Variants in G6PC1 observed in about 807,000 individuals in gnomAD.
G6PC1 encodes G-6-Pase.
A neutral mutation model predicts 30.4 loss-of-function variants in G6PC1; 23 were observed. That is an observed-to-expected ratio of 0.76 (90% CI 0.55 to 1.07). The LOEUF (loss-of-function observed/expected upper bound fraction) is 1.07. Ranked by LOEUF, G6PC1 falls within the 50% of genes least tolerant of loss-of-function variation. The probability of loss-of-function intolerance (pLI) is 0.00; values close to 1 mark genes in which losing one functional copy is unlikely to be tolerated. For missense variants in G6PC1, 391 were observed against 433.9 expected, an observed-to-expected ratio of 0.90 and a Z score of 0.88; for synonymous variants, 163 against 175.6, an observed-to-expected ratio of 0.93 and a Z score of 0.57.
At chr17:42,901,717 AAGAT>A (rs1266224497) in intron 1 of G6PC1, among the ~76,000 whole-genome samples, 1 of 151,932 alleles carries the variant, frequency 6.6e-6, no homozygotes, top group African/African-American at 2.4e-5. Flanking sequence ...AAAAAAAAAA[AAGAT>A]AGATGATGTA....
chr17:42,908,439 C>T (rs2056075023), intron 3 of G6PC1, among the ~76,000 whole-genome samples: 2 of 149,926 alleles, frequency 1.3e-5, no homozygotes, highest in South Asian at 4.2e-4. Flanking sequence ...CGGAATCTCG[C>T]TCTGTTGCCC....
rs1180911937 is a variant in G6PC1, at chr17:42,912,800, CTTT to C, written c.*1381_*1383del. 6.6e-6 allele frequency: 1 copy of C among 151,112 alleles called. No individual in the cohort carries two copies. Among genetic ancestry groups the C allele is most frequent in the Non-Finnish European group, 1.5e-5 (1 of 67,886 alleles). The allele number at this position is 151,112 out of a possible 1,614,324, so 9.4% of individuals were successfully genotyped here. On this transcript the variant is annotated 3_prime_UTR_variant, in exon 5 of 5. Coordinates refer to ENST00000253801, the MANE Select transcript of G6PC1 (RefSeq NM_000151.4). ...AGCCAACTCCTCCTTGCCTGCTTTT[CTTT>C]TTTTTTCTTTTTTTGAGACGGCGCA...
At chr17:42,902,450 T>C (rs1352772226) in intron 1 of G6PC1, among the ~76,000 whole-genome samples, 1 of 152,136 alleles carries the variant, frequency 6.6e-6, no homozygotes, top group Non-Finnish European at 1.5e-5. Flanking sequence ...ATGGTTTCAC[T>C]ATGTTGACTA....
Position 42,911,490 on chromosome 17 carries a change from T to G in G6PC1, c.*64T>G, listed in dbSNP as rs1455092796. On this transcript the variant is annotated 3_prime_UTR_variant, in exon 5 of 5. Coordinates refer to ENST00000253801, the MANE Select transcript of G6PC1 (RefSeq NM_000151.4). ...GCCAGGGATTGAGGAGGACTACTAT[T>G]TGAAGCAATGGGCACTGGTATTTGG... 2 of 1,607,864 alleles carry G rather than the reference T, an allele frequency of 1.2e-6. No individual in the cohort carries two copies. The highest frequency in any genetic ancestry group is 1.7e-6 in the Non-Finnish European group (2 of 1,176,618).
At chr17:42,902,603 T>C (rs766916558) in intron 1 of G6PC1, among the ~76,000 whole-genome samples, 1 of 152,168 alleles carries the variant, frequency 6.6e-6, no homozygotes, top group Non-Finnish European at 1.5e-5. Flanking sequence ...CTGATCTCCA[T>C]TGAAGAACCA....
chr17:42,903,615 G>A (rs2056040647), intron 1 of G6PC1, among the ~76,000 whole-genome samples: 1 of 151,912 alleles, frequency 6.6e-6, no homozygotes, highest in Non-Finnish European at 1.5e-5. Context: ...TCAGGAGGCT[G>A]AGGTGGGAGG....
chr17:42,909,868 G>GTTT (rs1018159270), intron 4 of G6PC1, among the ~76,000 whole-genome samples: 1 of 140,498 alleles, frequency 7.1e-6, no homozygotes, highest in African/African-American at 2.6e-5. Context: ...GTTTTTTTTT[G>GTTT]TTTTTTTTTT....
At chr17:42,910,137 C>CACCG (rs1205045162) in intron 4 of G6PC1, among the ~76,000 whole-genome samples, 2 of 152,110 alleles carry the variant, frequency 1.3e-5, no homozygotes, top group African/African-American at 4.8e-5. Context: ...AAGGGTGAGC[C>CACCG]ACCGCACCCT....
rs763922040 is a variant in G6PC1, at chr17:42,900,918, G to T, written c.42G>T (p.Gln14His). 6.2e-7 allele frequency: 1 copy of T among 1,614,178 alleles called. No homozygotes were observed. Among genetic ancestry groups the T allele is most frequent in the South Asian group, 1.1e-5 (1 of 91,082 alleles). The change falls in exon 1 of 5, where the codon CAG becomes CAT. Residue 14 changes from glutamine to histidine, a missense_variant. By Grantham distance (24) the Gln-to-His change is conservative (BLOSUM62 0). Coordinates refer to ENST00000253801, the MANE Select transcript of G6PC1 (RefSeq NM_000151.4). The stretch of plus-strand genomic sequence containing the variant: ...ATGTTCTCCATGACTTTGGGATCCA[G>T]TCAACACATTACCTCCAGGTGAATT... The part of the protein sequence containing the change: ...GMNVLHDFGI[Q>H]STHYLQVNYQ...
intron 3 of G6PC1, 118 bp downstream of exon 3, chr17:42,907,746 G>A (rs2056071327): frequency 1.4e-5 from 10 of 738,198 alleles, no homozygotes; most frequent in Non-Finnish European, 2.2e-5. Flanking sequence ...CTGGGCAGCC[G>A]CTGATTAAGA....
rs367967732 is a variant in G6PC1, at chr17:42,911,635, G to A, written c.*209G>A. ...CCTGCCCTCAGCACAGACTCTTTCAGATGGAGGTGCCATATCACGTACACC... is the reference window on the plus strand; with the variant it reads ...CCTGCCCTCAGCACAGACTCTTTCAAATGGAGGTGCCATATCACGTACACC... On this transcript the variant is annotated 3_prime_UTR_variant, in exon 5 of 5. Transcript: ENST00000253801. 42 of 666,192 alleles carry A rather than the reference G, an allele frequency of 6.3e-5. No individual in the cohort carries two copies. In the African/African-American group the frequency reaches 7.2e-4, roughly 11 times the overall value. The allele number at this position is 666,192 out of a possible 1,614,324, so 41.3% of individuals were successfully genotyped here.
chr17:42,909,254 C>T (rs776126016), intron 3 of G6PC1, 49 bp from the exon 4 acceptor site: 7 of 1,363,276 alleles, frequency 5.1e-6, no homozygotes, highest in Non-Finnish European at 7.4e-6. Flanking sequence ...GTTTTCTTTG[C>T]TGAAGGATCT....
chr17:42,906,274 C>T (rs1225445656), intron 2 of G6PC1, among the ~76,000 whole-genome samples: 1 of 151,986 alleles, frequency 6.6e-6, no homozygotes, highest in East Asian at 1.9e-4. Flanking sequence ...AGGGAAGGAA[C>T]AGGAACAGGG....
chr17:42,912,405 G>A lies in G6PC1; in HGVS notation c.*979G>A, dbSNP rs1346878043. On this transcript the variant is annotated 3_prime_UTR_variant, in exon 5 of 5. Transcript: ENST00000253801. ...CTGCTTTTTCCAGATTCTTCCACTG[G>A]CTCCACATCCACCCCACTGGATCTT... 6.6e-6 allele frequency: 1 copy of A among 152,340 alleles called. No homozygotes were observed. Among genetic ancestry groups the A allele is most frequent in the African/African-American group, 2.4e-5 (1 of 41,346 alleles). 9.4% of individuals were successfully genotyped at this position (152,340 alleles called of 1,614,324 possible). A position where few individuals can be genotyped will look rare whatever the true frequency, so the allele number is the denominator to read the frequency against.
intron 2 of G6PC1, among the ~76,000 whole-genome samples, chr17:42,905,769 G>A (rs1164256527): frequency 2.6e-5 from 4 of 151,958 alleles, no homozygotes; most frequent in Non-Finnish European, 5.9e-5. Flanking sequence ...TAGGCCGGGC[G>A]CGGTGGCTCA....
At position 42,904,197 on chromosome 17, in the gene G6PC1, T is replaced by C; in HGVS notation, c.340+157T>C. ...TTAATTCACTTCTGCAATACTTTCC[T>C]GAATAGCACAGTAGTATTGGAAATC... On this transcript the variant is annotated intron_variant, in intron 2 of 4. Transcript: ENST00000253801. The C allele has an allele frequency of 1.0e-5, 7 of 682,234 alleles. No individual in the cohort carries two copies. The South Asian group carries it at 1.1e-4, about 10-fold the overall frequency. 42.3% of individuals were successfully genotyped at this position (682,234 alleles called of 1,614,324 possible). A position where few individuals can be genotyped will look rare whatever the true frequency, so the allele number is the denominator to read the frequency against.
rs7213700 is a variant in G6PC1 at position 42,904,243 on chromosome 17, T to G, written c.340+203T>G. On this transcript the variant is annotated intron_variant, in intron 2 of 4. Coordinates refer to ENST00000253801, the MANE Select transcript of G6PC1 (RefSeq NM_000151.4). ...AAATCTGCCTATTACAGAACCTGGATGGAGTCCAGAGAGGCACGGGCATCC... is the reference window on the plus strand; with the variant it reads ...AAATCTGCCTATTACAGAACCTGGAGGGAGTCCAGAGAGGCACGGGCATCC... 0.12 allele frequency: 68,714 copies of G among 570,248 alleles called. 4,663 individuals are homozygous for G. Among genetic ancestry groups the G allele is most frequent in the African/African-American group, 0.19 (10,112 of 53,930 alleles). The allele number at this position is 570,248 out of a possible 1,614,324, so 35.3% of individuals were successfully genotyped here.
Position 42,904,046 on chromosome 17 carries a change from C to T in G6PC1, c.340+6C>T, listed in dbSNP as rs750796596. The T allele has an allele frequency of 7.6e-6, 12 of 1,584,604 alleles. No individual in the cohort carries two copies. The highest frequency in any genetic ancestry group is 6.7e-5 in the Admixed American group (4 of 59,964). ...AACCTGTGAGACTGGACCAGGTAAG[C>T]GTCCCAGCCCCTGCAGACAGAAGCT... On this transcript the variant is annotated splice_donor_region_variant and intron_variant, in intron 2 of 4. Coordinates refer to ENST00000253801, the MANE Select transcript of G6PC1 (RefSeq NM_000151.4).
At chr17:42,907,441 G>C (rs368581657) in intron 2 of G6PC1, 82 bp from the exon 3 acceptor site, 1 of 885,866 alleles carries the variant, frequency 1.1e-6, no homozygotes, top group Non-Finnish European at 1.9e-6. Context: ...TAGGGGGATG[G>C]CTGGGTGGCT....
Sources: gnomAD v4.1 joint callset for allele counts (sites outside exome capture counted in the v4.1 genomes callset) on GRCh38, gnomAD v4.1.1 for gene constraint, MANE v1.5 for transcripts, NCBI Gene and HGNC (gene_info 2026-07-23, HGNC 2026-07-21) for gene names.